The following KATNBL1 variants were observed in gnomAD, a reference collection of about 807,000 sequenced individuals.
KATNBL1 encodes the protein katanin regulatory subunit B1 like 1, also known as KATNB1-like protein 1.
Under a neutral mutation model 44.7 loss-of-function variants are expected in KATNBL1, and 28 were observed. That is an observed-to-expected ratio of 0.63 (90% confidence interval 0.46 to 0.86). The LOEUF is 0.86. Among genes scored for constraint, KATNBL1 ranks in the 40% least tolerant of loss-of-function variants. The probability of loss-of-function intolerance (pLI) is 0.00; values close to 1 mark genes in which losing one functional copy is unlikely to be tolerated. For missense variants in KATNBL1, 272 were observed against 350.7 expected, an observed-to-expected ratio of 0.78 and a Z score of 1.79; for synonymous variants, 78 against 114.9, an observed-to-expected ratio of 0.68 and a Z score of 2.06.
At chr15:34,176,364 G>A (rs961227607) in intron 1 of KATNBL1, among the ~76,000 whole-genome samples, 5 of 151,760 alleles carry the variant, frequency 3.3e-5, no homozygotes, top group African/African-American at 4.8e-5. Flanking sequence ...GGTAAGAAGA[G>A]TGAAACTTCA....
intron 2 of KATNBL1, among the ~76,000 whole-genome samples, chr15:34,158,409 G>A (rs983138354): frequency 7.2e-5 from 11 of 152,216 alleles, no homozygotes; most frequent in African/African-American, 1.7e-4. Context: ...AAGGCAAGGG[G>A]TTAAGTGAAA....
At chr15:34,162,224 G>A (rs1193564967) in intron 2 of KATNBL1, among the ~76,000 whole-genome samples, 1 of 152,156 alleles carries the variant, frequency 6.6e-6, no homozygotes, top group Non-Finnish European at 1.5e-5. Flanking sequence ...AGTGTTGTGG[G>A]AGGGACTCAG....
intron 4 of KATNBL1, among the ~76,000 whole-genome samples, chr15:34,152,028 C>T (rs1411284370): frequency 1.3e-5 from 2 of 151,142 alleles, no homozygotes; most frequent in Non-Finnish European, 2.9e-5. Flanking sequence ...GCAACCTCTG[C>T]CTCCCAGGTT....
At chr15:34,171,879 T>C (rs1889172278) in intron 1 of KATNBL1, among the ~76,000 whole-genome samples, 1 of 144,478 alleles carries the variant, frequency 6.9e-6, no homozygotes, top group Admixed American at 7.2e-5. Context: ...AGGTGGGAAC[T>C]GAACAATGAG....
At chr15:34,195,561 G>A (rs1328245809) in intron 1 of KATNBL1, among the ~76,000 whole-genome samples, 1 of 151,930 alleles carries the variant, frequency 6.6e-6, no homozygotes, top group Non-Finnish European at 1.5e-5. Flanking sequence ...AATTGCACTT[G>A]TATCCTATAA....
At chr15:34,178,328 A>AT (rs1889398138) in intron 1 of KATNBL1, among the ~76,000 whole-genome samples, 1 of 152,210 alleles carries the variant, frequency 6.6e-6, no homozygotes, top group African/African-American at 2.4e-5. Context: ...TCCTTCCTTC[A>AT]TCTAACATGG....
intron 9 of KATNBL1, among the ~76,000 whole-genome samples, chr15:34,144,736 A>C (rs919010974): frequency 1.2e-4 from 19 of 152,092 alleles, no homozygotes; most frequent in South Asian, 6.2e-4. Flanking sequence ...ACACCCAGGT[A>C]ATTTTTTGTA....
At chr15:34,150,917 C>T (rs552248840) in intron 4 of KATNBL1, among the ~76,000 whole-genome samples, 3 of 152,228 alleles carry the variant, frequency 2.0e-5, no homozygotes, top group Middle Eastern at 6.8e-3. Flanking sequence ...CAGGTTCACT[C>T]GTGATTGCAA....
chr15:34,184,576 C>CTTTTTT (rs71119942), intron 1 of KATNBL1, among the ~76,000 whole-genome samples: 5 of 95,230 alleles, frequency 5.3e-5, no homozygotes, highest in African/African-American at 1.2e-4. Context: ...CCTAATGTTT[C>CTTTTTT]TTTTTTTTTT....
intron 1 of KATNBL1, among the ~76,000 whole-genome samples, chr15:34,176,413 T>C (rs77296536): frequency 0.1 from 15,871 of 151,976 alleles, 1,083 homozygotes; most frequent in Non-Finnish European, 0.15. Context: ...ATATACAACA[T>C]GTTTGAATAC....
At chr15:34,151,767 C>T (rs950674457) in intron 4 of KATNBL1, among the ~76,000 whole-genome samples, 1 of 151,958 alleles carries the variant, frequency 6.6e-6, no homozygotes, top group Non-Finnish European at 1.5e-5. Flanking sequence ...CCATGTTGGC[C>T]AGGCCCAGTT....
chr15:34,140,750 G>A lies in KATNBL1; in HGVS notation c.*1589C>T, dbSNP rs1888132176. On this transcript the variant is annotated 3_prime_UTR_variant, in exon 10 of 10. Transcript: ENST00000256544. ...ACAGGTTTACAATTCAAATTCCCAT[G>A]TCCTGAAAACTGGCCTCTTAAATAA... 6.6e-6 allele frequency: 1 copy of A among 152,092 alleles called. No homozygotes were observed. Among genetic ancestry groups the A allele is most frequent in the African/African-American group, 2.4e-5 (1 of 41,430 alleles). The allele number at this position is 152,092 out of a possible 1,614,324, so 9.4% of individuals were successfully genotyped here. A position where few individuals can be genotyped will look rare whatever the true frequency, so the allele number is the denominator to read the frequency against.
chr15:34,187,157 G>A (rs1210008245), intron 1 of KATNBL1, among the ~76,000 whole-genome samples: 3 of 152,194 alleles, frequency 2.0e-5, no homozygotes, highest in African/African-American at 7.2e-5. Flanking sequence ...TACCCGCTCC[G>A]CTGAATGCTG....
chr15:34,207,498 G>A (rs1025069628), intron 1 of KATNBL1, among the ~76,000 whole-genome samples: 4 of 151,988 alleles, frequency 2.6e-5, no homozygotes, highest in African/African-American at 4.8e-5. Context: ...ATGACCCACT[G>A]GCCCTAATTT....
intron 1 of KATNBL1, among the ~76,000 whole-genome samples, chr15:34,174,436 A>G (rs1889260411): frequency 1.3e-5 from 2 of 152,224 alleles, no homozygotes; most frequent in Admixed American, 6.5e-5. Context: ...AACAGAGAGA[A>G]CAGAAAACAA....
chr15:34,205,732 C>G (rs1414205924), intron 1 of KATNBL1, among the ~76,000 whole-genome samples: 1 of 152,178 alleles, frequency 6.6e-6, no homozygotes, highest in African/African-American at 2.4e-5. Context: ...GCAACCCATT[C>G]CTTCATTTCT....
chr15:34,188,320 T>C (rs1386817919), intron 1 of KATNBL1, among the ~76,000 whole-genome samples: 1 of 150,798 alleles, frequency 6.6e-6, no homozygotes, highest in African/African-American at 2.4e-5. Flanking sequence ...CTTTGGGAGG[T>C]TGAGGCGGAC....
chr15:34,142,266 CTT>C lies in KATNBL1; in HGVS notation c.*71_*72del, dbSNP rs3028163. The C allele has an allele frequency of 1.2e-3, 1,470 of 1,207,502 alleles. No individual in the cohort carries two copies. Among genetic ancestry groups the C allele is most frequent in the South Asian group, 2.8e-3 (147 of 53,118 alleles). The allele number at this position is 1,207,502 out of a possible 1,614,324, so 74.8% of individuals were successfully genotyped here. On this transcript the variant is annotated 3_prime_UTR_variant, in exon 10 of 10. Transcript: ENST00000256544. ...CACAGTTCACAGTTCTCAGACGAGACTTTTTTTTTTTGTAAATTATACAGTTC... is the reference window on the plus strand; with the variant it reads ...CACAGTTCACAGTTCTCAGACGAGACTTTTTTTTTGTAAATTATACAGTTC...
chr15:34,185,524 AG>A (rs1254099085), intron 1 of KATNBL1, among the ~76,000 whole-genome samples: 1 of 152,220 alleles, frequency 6.6e-6, no homozygotes, highest in East Asian at 1.9e-4. Context: ...TTATTAGATT[AG>A]TTAATATAAA....
Sources: gnomAD v4.1 joint callset for allele counts (sites outside exome capture counted in the v4.1 genomes callset) on GRCh38, gnomAD v4.1.1 for gene constraint, MANE v1.5 for transcripts, NCBI Gene and HGNC (gene_info 2026-07-23, HGNC 2026-07-21) for gene names.